FDFT1: variants seen among roughly 807,000 people sequenced by gnomAD.
FDFT1 encodes farnesyl-diphosphate farnesyltransferase 1.
A neutral mutation model predicts 46.8 loss-of-function variants in FDFT1; 68 were observed. The ratio of observed to expected loss-of-function variants is 1.45; its 90% CI spans 1.19 to 1.78. FDFT1 has a LOEUF of 1.78. FDFT1 is among the 40% of genes most tolerant of loss of function. The pLI is 0.00. For synonymous variants in FDFT1, 351 were observed against 185.1 expected, an observed-to-expected ratio of 1.90 and a Z score of -7.28; for missense variants, 928 against 524.4, an observed-to-expected ratio of 1.77 and a Z score of -7.52.
chr8:11,815,622 T>C (rs1254225720), intron 3 of FDFT1, among the ~76,000 whole-genome samples: 1 of 152,238 alleles, frequency 6.6e-6, no homozygotes, highest in Non-Finnish European at 1.5e-5. Flanking sequence ...TGATGACCAG[T>C]GGTGATGAGC....
intron 3 of FDFT1, among the ~76,000 whole-genome samples, chr8:11,816,198 G>C (rs762358213): frequency 5.9e-5 from 9 of 152,152 alleles, no homozygotes; most frequent in Non-Finnish European, 1.0e-4. Flanking sequence ...TGTTATTTCT[G>C]AGGCCTCTGT....
chr8:11,831,132 G>GA (rs1432348930), intron 6 of FDFT1, among the ~76,000 whole-genome samples: 1 of 152,060 alleles, frequency 6.6e-6, no homozygotes, highest in African/African-American at 2.4e-5. Flanking sequence ...TTTGTTGTAG[G>GA]AAAAATAGAA....
At position 11,808,831 on chromosome 8, in the gene FDFT1, ATC is replaced by A; in HGVS notation, c.140_141del (p.Leu47GlnfsTer38). 1 of 1,614,106 alleles carries A rather than the reference ATC, an allele frequency of 6.2e-7. No individual in the cohort carries two copies. The highest frequency in any genetic ancestry group is 1.1e-5 in the South Asian group (1 of 91,024). On this transcript the variant is annotated frameshift_variant, in exon 2 of 8. Transcript: ENST00000220584. LOFTEE classifies it high-confidence loss of function. ...AGCAGCCTGAAAACTTGCTACAAGT[ATC>A]TCAATCAGACCAGTCGCAGTTTCGC...
intron 1 of FDFT1, among the ~76,000 whole-genome samples, chr8:11,796,742 T>G (rs1158250141): frequency 6.6e-6 from 1 of 152,230 alleles, no homozygotes; most frequent in Non-Finnish European, 1.5e-5. Context: ...TGGGGCTGAT[T>G]GCTGCTGAGG....
At chr8:11,837,166 T>G (rs1332947403) in intron 7 of FDFT1, among the ~76,000 whole-genome samples, 1 of 152,264 alleles carries the variant, frequency 6.6e-6, no homozygotes, top group Non-Finnish European at 1.5e-5. Flanking sequence ...AGGAGTGGTA[T>G]GAGACTGGAA....
upstream of FDFT1, chr8:11,802,324 G>A (rs1396705537): frequency 9.9e-6 from 4 of 404,350 alleles, no homozygotes; most frequent in Admixed American, 2.9e-5. Context: ...ACACGTGGGC[G>A]ACTTATTGAC....
intron 4 of FDFT1, among the ~76,000 whole-genome samples, chr8:11,824,883 C>T (rs934260352): frequency 3.9e-4 from 59 of 152,188 alleles, no homozygotes; most frequent in African/African-American, 1.4e-3. Flanking sequence ...CTACAGGCAC[C>T]CGCCACCAGG....
At chr8:11,829,545 T>G (rs75673635) in intron 5 of FDFT1, among the ~76,000 whole-genome samples, 6,213 of 152,300 alleles carry the variant, frequency 0.041, 178 homozygotes, top group African/African-American at 0.075. Flanking sequence ...CTTGAGAAGG[T>G]TTACTGTTTA....
intron 5 of FDFT1, among the ~76,000 whole-genome samples, chr8:11,828,975 A>C (rs1193887454): frequency 1.3e-5 from 2 of 152,116 alleles, no homozygotes; most frequent in Non-Finnish European, 2.9e-5. Context: ...ATTTGCATAT[A>C]AGTTTTTGTG....
chr8:11,805,627 T>A (rs1231843421), intron 1 of FDFT1, among the ~76,000 whole-genome samples: 1 of 152,180 alleles, frequency 6.6e-6, no homozygotes, highest in Admixed American at 6.5e-5. Context: ...AACCACAACT[T>A]CCCAACTCTA....
intron 4 of FDFT1, among the ~76,000 whole-genome samples, chr8:11,822,272 C>T (rs1484830955): frequency 6.6e-6 from 1 of 152,102 alleles, no homozygotes; most frequent in African/African-American, 2.4e-5. Flanking sequence ...ATTTTAAAGC[C>T]AGTCAGATTT....
upstream of FDFT1, among the ~76,000 whole-genome samples, chr8:11,800,260 CAAAAAAAAAAAAAAAAAA>C (rs57381182): frequency 1.7e-5 from 1 of 57,892 alleles, no homozygotes; most frequent in African/African-American, 8.0e-5. Flanking sequence ...AATTCTGTCT[CAAAAAAAAAAAAAAAAAA>C]AAAAAAAAAA....
intron 1 of FDFT1, among the ~76,000 whole-genome samples, chr8:11,805,000 C>T (rs527564286): frequency 1.3e-5 from 2 of 149,724 alleles, no homozygotes; most frequent in South Asian, 2.2e-4. Context: ...TTTTGACTTC[C>T]TTGGCTGAAG....
At chr8:11,805,604 G>C (rs1244377950) in intron 1 of FDFT1, among the ~76,000 whole-genome samples, 1 of 152,208 alleles carries the variant, frequency 6.6e-6, no homozygotes, top group Non-Finnish European at 1.5e-5. Flanking sequence ...TGTATGTATG[G>C]TAACGATTTT....
chr8:11,804,681 G>A (rs1299973744), intron 1 of FDFT1, among the ~76,000 whole-genome samples: 1 of 135,482 alleles, frequency 7.4e-6, no homozygotes, highest in East Asian at 2.2e-4. Context: ...ACCTCAGCTA[G>A]ATGCAGCCTC....
intron 2 of FDFT1, 51 bp from the exon 3 acceptor site, chr8:11,809,612 TAAAA>T: frequency 6.6e-7 from 1 of 1,503,796 alleles, no homozygotes; most frequent in Non-Finnish European, 8.9e-7. Context: ...TATTTTAAAA[TAAAA>T]AATCTTTGGC....
rs539063916 is a variant in FDFT1 at position 11,808,474 on chromosome 8, G to C, written c.100-320G>C. ...CCCTCGTCGGGCGCTTCCCAGATCTGCTTGAGTCTATGGAGGAAAAACTCC... is the reference window on the plus strand; with the variant it reads ...CCCTCGTCGGGCGCTTCCCAGATCTCCTTGAGTCTATGGAGGAAAAACTCC... On this transcript the variant is annotated intron_variant, in intron 1 of 7. Coordinates refer to ENST00000220584, the MANE Select transcript of FDFT1 (RefSeq NM_004462.5). 1.6e-4 allele frequency: 206 copies of C among 1,305,120 alleles called. No individual in the cohort carries two copies. In the African/African-American group the frequency reaches 3.0e-3, roughly 19 times the overall value. The allele number at this position is 1,305,120 out of a possible 1,614,324, so 80.8% of individuals were successfully genotyped here.
At chr8:11,833,248 A>G (rs1811101534) in intron 7 of FDFT1, among the ~76,000 whole-genome samples, 1 of 152,214 alleles carries the variant, frequency 6.6e-6, no homozygotes, top group Admixed American at 6.5e-5. Context: ...GTAGTGACCA[A>G]GTAGGTGGGT....
rs1807234012 is a variant in FDFT1, at chr8:11,808,636, T to TG, written c.100-157dup. The TG allele has an allele frequency of 2.1e-6, 3 of 1,395,616 alleles. No individual in the cohort carries two copies. In the East Asian group the frequency reaches 8.4e-5, roughly 39 times the overall value. 86.5% of individuals were successfully genotyped at this position (1,395,616 alleles called of 1,614,324 possible). A position where few individuals can be genotyped will look rare whatever the true frequency, so the allele number is the denominator to read the frequency against. On this transcript the variant is annotated intron_variant, in intron 1 of 7. Transcript: ENST00000220584. ...GGCACCGCCCCGCGGGGCTGCTGCT[T>TG]GCCTCCTGCCGCCTGGCCCTGCAAG...
Sources: allele counts gnomAD v4.1 joint callset (sites outside exome capture counted in the v4.1 genomes callset), GRCh38; gene constraint gnomAD v4.1.1; transcripts MANE v1.5; gene names NCBI Gene and HGNC (gene_info 2026-07-23, HGNC 2026-07-21).